KLKB1: variants seen among roughly 807,000 people sequenced by gnomAD.
The protein encoded by KLKB1 is plasma kallikrein.
A neutral mutation model predicts 73.6 loss-of-function variants in KLKB1; 58 were observed. That is an observed-to-expected ratio of 0.79 (90% CI 0.64 to 0.98). KLKB1 has a LOEUF of 0.98. KLKB1 is among the 50% of genes least tolerant of loss of function. The pLI is 0.00. For missense variants in KLKB1, 737 were observed against 763.8 expected (o/e 0.96, Z 0.41); for synonymous variants, 280 against 258.1 (o/e 1.08, Z -0.81).
At chr4:186,224,013 A>T (rs1737094636), upstream of KLKB1, among the ~76,000 whole-genome samples, 1 of 152,232 alleles carries the variant, frequency 6.6e-6, no homozygotes, top group Admixed American at 6.5e-5. Flanking sequence ...TCCAGCTGTG[A>T]CTAAAAGGGT....
chr4:186,219,320 G>A (rs1027904337), intron 2 of KLKB1, among the ~76,000 whole-genome samples: 2 of 151,964 alleles, frequency 1.3e-5, no homozygotes, highest in Admixed American at 6.6e-5. Context: ...GAACCCATAC[G>A]CATCTCCTGA....
intron 4 of KLKB1, among the ~76,000 whole-genome samples, chr4:186,236,076 T>C (rs1029269916): frequency 2.8e-5 from 4 of 140,470 alleles, no homozygotes; most frequent in East Asian, 2.1e-4. Flanking sequence ...ATCGCGCCAC[T>C]GCGCTCCAGC....
At position 186,258,445 on chromosome 4, in the gene KLKB1, G is replaced by A. The variant is rs1739138243; in HGVS notation, c.*233G>A. The A allele has an allele frequency of 1.7e-6, 1 of 575,898 alleles. No individual in the cohort carries two copies. The highest frequency in any genetic ancestry group is 3.1e-6 in the Non-Finnish European group (1 of 321,300). The allele number at this position is 575,898 out of a possible 1,614,324, so 35.7% of individuals were successfully genotyped here. A position where few individuals can be genotyped will look rare whatever the true frequency, so the allele number is the denominator to read the frequency against. Reference sequence around the variant, plus strand: ...GCAACTGAGATCTCCATGACTGTGTGTTGTGAAATAAAATGGTGAAAGATC... The same window carrying A: ...GCAACTGAGATCTCCATGACTGTGTATTGTGAAATAAAATGGTGAAAGATC... On this transcript the variant is annotated 3_prime_UTR_variant, in exon 15 of 15. Transcript: ENST00000264690.
chr4:186,238,849 G>A (rs1352435602), intron 6 of KLKB1, among the ~76,000 whole-genome samples: 3 of 152,178 alleles, frequency 2.0e-5, no homozygotes. Context: ...TTGTGGTTAT[G>A]CCCCTAGAGC....
chr4:186,251,577 A>G lies in KLKB1; in HGVS notation c.959A>G (p.Glu320Gly). 6.2e-7 allele frequency: 1 copy of G among 1,614,090 alleles called. No homozygotes were observed. The highest frequency in any genetic ancestry group is 8.5e-7 in the Non-Finnish European group (1 of 1,179,908). Reference protein sequence around the residue: ...TFVKGVNVCQETCTKMIRCQF... With the variant: ...TFVKGVNVCQGTCTKMIRCQF... ...GTTAAAGGAGTGAATGTTTGCCAAG[A>G]GACTTGCACAAAGATGATTCGCTGT... The change falls in exon 9 of 15, where the codon GAG becomes GGG. Residue 320 changes from glutamate (E) to glycine (G), a missense_variant. Coordinates refer to ENST00000264690, the MANE Select transcript of KLKB1 (RefSeq NM_000892.5).
At chr4:186,211,479 A>G (rs1310833286) in intron 2 of KLKB1, 5 of 151,780 alleles carry the variant, frequency 3.3e-5, no homozygotes, top group African/African-American at 1.2e-4. Context: ...ACGCCCAGCT[A>G]ATTTTTGTAT....
At chr4:186,223,110 T>G (rs912989068), upstream of KLKB1, among the ~76,000 whole-genome samples, 2 of 152,208 alleles carry the variant, frequency 1.3e-5, no homozygotes, top group Non-Finnish European at 2.9e-5. Flanking sequence ...CCCTTCACCT[T>G]CCACCATAAT....
At chr4:186,245,363 C>A (rs776938054) in intron 6 of KLKB1, among the ~76,000 whole-genome samples, 1 of 152,166 alleles carries the variant, frequency 6.6e-6, no homozygotes, top group Non-Finnish European at 1.5e-5. Context: ...GATCGGGCAG[C>A]GTCAGTCTTC....
chr4:186,232,012 G>GTAT, intron 2 of KLKB1, 115 bp from the exon 3 acceptor site: 1 of 738,366 alleles, frequency 1.4e-6, no homozygotes. Flanking sequence ...AATTAGAGTT[G>GTAT]TATTATACAG....
At chr4:186,220,022 C>G (rs1736998676) in intron 2 of KLKB1, among the ~76,000 whole-genome samples, 1 of 152,072 alleles carries the variant, frequency 6.6e-6, no homozygotes. Flanking sequence ...AGGTGGCAAG[C>G]TTAACTTCCA....
chr4:186,250,028 C>G (rs1738579306), intron 6 of KLKB1, among the ~76,000 whole-genome samples: 1 of 152,124 alleles, frequency 6.6e-6, no homozygotes, highest in Non-Finnish European at 1.5e-5. Flanking sequence ...TTTTATTTCT[C>G]TGAAATAGGA....
At chr4:186,214,062 G>A (rs774239481) in intron 2 of KLKB1, among the ~76,000 whole-genome samples, 1 of 152,092 alleles carries the variant, frequency 6.6e-6, no homozygotes, top group Non-Finnish European at 1.5e-5. Context: ...GGTTAAATTC[G>A]AGTTCTCCCC....
At chr4:186,225,489 TGGC>T (rs1318316063), upstream of KLKB1, among the ~76,000 whole-genome samples, 1,621 of 134,076 alleles carry the variant, frequency 0.012, 32 homozygotes, top group African/African-American at 0.045. Context: ...CAGTGTGCAG[TGGC>T]GCAATCTCGG....
intron 2 of KLKB1, among the ~76,000 whole-genome samples, chr4:186,219,416 A>G (rs1281259793): frequency 6.6e-6 from 1 of 152,240 alleles, no homozygotes; most frequent in African/African-American, 2.4e-5. Context: ...TCGTACAACC[A>G]GAAGTGTACC....
upstream of KLKB1, among the ~76,000 whole-genome samples, chr4:186,225,366 A>G (rs1252818092): frequency 6.6e-6 from 1 of 151,648 alleles, no homozygotes; most frequent in African/African-American, 2.4e-5. Context: ...CTTGTATGTG[A>G]AGAATTGCTT....
intron 14 of KLKB1, among the ~76,000 whole-genome samples, chr4:186,257,593 A>G (rs1739070364): frequency 6.6e-6 from 1 of 150,900 alleles, no homozygotes; most frequent in Non-Finnish European, 1.5e-5. Context: ...GGGCAAATAT[A>G]CATGCAATAA....
At chr4:186,235,669 A>C (rs577121922) in intron 4 of KLKB1, among the ~76,000 whole-genome samples, 26 of 152,278 alleles carry the variant, frequency 1.7e-4, no homozygotes, top group African/African-American at 6.3e-4. Flanking sequence ...TTATGACTTC[A>C]ACCATACTTC....
At chr4:186,232,672 A>G (rs1162152597) in intron 3 of KLKB1, among the ~76,000 whole-genome samples, 3 of 152,246 alleles carry the variant, frequency 2.0e-5, no homozygotes, top group East Asian at 1.9e-4. Context: ...CCATGATCAC[A>G]TTAGCGGATA....
rs1442674911 is a variant in KLKB1, at chr4:186,257,458, T to TA, written c.1725+100dup. On this transcript the variant is annotated intron_variant, in intron 14 of 14. Coordinates refer to ENST00000264690, the MANE Select transcript of KLKB1 (RefSeq NM_000892.5). ...AATAGCATAATTCAATCATAGTTTT[T>TA]AAAAAAATTCAGAGACAAATGATCT... 9 of 1,225,974 alleles carry TA rather than the reference T, an allele frequency of 7.3e-6. No homozygotes were observed. The South Asian group carries it at 1.4e-4, about 19-fold the overall frequency. The allele number at this position is 1,225,974 out of a possible 1,614,324, so 75.9% of individuals were successfully genotyped here.
Sources: gnomAD v4.1 joint callset for allele counts (sites outside exome capture counted in the v4.1 genomes callset) on GRCh38, gnomAD v4.1.1 for gene constraint, MANE v1.5 for transcripts, NCBI Gene and HGNC (gene_info 2026-07-23, HGNC 2026-07-21) for gene names.